Variants in SAP30L observed in about 807,000 individuals in gnomAD.
SAP30L encodes the protein SAP30 like.
SAP30L carries 10 observed loss-of-function variants against 22.3 expected under a neutral mutation model. That is an observed-to-expected ratio of 0.45 (90% CI 0.28 to 0.76). SAP30L has a LOEUF of 0.76. Ranked by LOEUF, SAP30L falls within the 30% of genes least tolerant of loss-of-function variation. The pLI, the probability that SAP30L is intolerant of heterozygous loss-of-function variation, is 0.14. For missense variants in SAP30L, 206 were observed against 237.9 expected, an observed-to-expected ratio of 0.87 and a Z score of 0.88; for synonymous variants, 91 against 94.1, an observed-to-expected ratio of 0.97 and a Z score of 0.19.
In SAP30L at chr5:154,459,541, T is replaced by C. The variant is rs1326775120; in HGVS notation, c.*3513T>C. On this transcript the variant is annotated 3_prime_UTR_variant, in exon 4 of 4. Transcript: ENST00000297109. Reference sequence around the variant, plus strand: ...AAACAATGCTAGGACATGGACACTTTGGTACACTGTCCTTACCCCTGAGTA... The same window carrying C: ...AAACAATGCTAGGACATGGACACTTCGGTACACTGTCCTTACCCCTGAGTA... 6.6e-6 allele frequency: 1 copy of C among 152,276 alleles called. No homozygotes were observed. Among genetic ancestry groups the C allele is most frequent in the Non-Finnish European group, 1.5e-5 (1 of 68,058 alleles). 9.4% of individuals were successfully genotyped at this position (152,276 alleles called of 1,614,324 possible).
intron 1 of SAP30L, among the ~76,000 whole-genome samples, chr5:154,450,749 A>AT (rs1357341094): frequency 4.6e-5 from 7 of 152,018 alleles, no homozygotes; most frequent in African/African-American, 1.7e-4. Flanking sequence ...ACTCCTACCC[A>AT]TCTGGAATGC....
At chr5:154,452,152 G>T (rs1757155766) in intron 2 of SAP30L, among the ~76,000 whole-genome samples, 2 of 152,186 alleles carry the variant, frequency 1.3e-5, no homozygotes, top group Non-Finnish European at 2.9e-5. Context: ...CCGCCTGTTA[G>T]CACTCAGAGT....
rs528954552 is a variant in SAP30L at position 154,451,025 on chromosome 5, C to T, written c.202-66C>T. ...TGCAATGGAAGGAAGCCCCGCAATT[C>T]GACAGATACCTATTGCTGTCTCCAA... On this transcript the variant is annotated intron_variant, in intron 1 of 3. Coordinates refer to ENST00000297109, the MANE Select transcript of SAP30L (RefSeq NM_024632.6). 123 of 1,570,758 alleles carry T rather than the reference C, an allele frequency of 7.8e-5. No individual in the cohort carries two copies. In the South Asian group the frequency reaches 1.2e-3, roughly 15 times the overall value.
rs1007570738 is a variant in SAP30L, at chr5:154,456,030, G to A, written c.*2G>A. ...GAGGGTGGCAAGCAGCTTGAGTGAG[G>A]ATGAAGCACATCTTAAAGGAATGAA... On this transcript the variant is annotated 3_prime_UTR_variant, in exon 4 of 4. Transcript: ENST00000297109. The A allele has an allele frequency of 6.2e-7, 1 of 1,613,272 alleles. No homozygotes were observed. Among genetic ancestry groups the A allele is most frequent in the African/African-American group, 1.3e-5 (1 of 75,000 alleles).
chr5:154,453,472 C>G lies in SAP30L; in HGVS notation c.395C>G (p.Pro132Arg), dbSNP rs1222847548. The G allele has an allele frequency of 6.2e-7, 1 of 1,613,976 alleles. No homozygotes were observed. Among genetic ancestry groups the G allele is most frequent in the Non-Finnish European group, 8.5e-7 (1 of 1,179,832 alleles). ...YKRHYKLQTR[P>R]GFNKAQLAET... The stretch of plus-strand genomic sequence containing the variant: ...CGACACTACAAGTTGCAGACCAGAC[C>G]AGGCTTCAATAAGGCCCAGTTAGCA... Residue 132 changes from proline (P) to arginine (R), a missense_variant, in exon 3 of 4, where the codon CCA becomes CGA. Physicochemically the swap from Pro to Arg is moderately radical, Grantham distance 103. This residue lies in a region of SAP30L where 136 missense variants were observed against 187.4 expected (regional missense o/e 0.73). Transcript: ENST00000297109.
At chr5:154,452,521 G>A (rs1757165854) in intron 2 of SAP30L, 2 of 980,316 alleles carry the variant, frequency 2.0e-6, no homozygotes, top group African/African-American at 1.8e-5. Context: ...CCAACTTTAT[G>A]GGCCTTCAAT....
At chr5:154,451,555 T>A (rs575840742) in intron 2 of SAP30L, among the ~76,000 whole-genome samples, 3 of 151,934 alleles carry the variant, frequency 2.0e-5, no homozygotes, top group African/African-American at 7.2e-5. Context: ...CACTTTTTTT[T>A]AAACCTTGTT....
intron 1 of SAP30L, among the ~76,000 whole-genome samples, chr5:154,447,969 C>CTTTTTTTTTTTTT (rs140213326): frequency 1.4e-4 from 12 of 88,376 alleles, no homozygotes; most frequent in East Asian, 3.3e-4. Context: ...TTTTCTTTTT[C>CTTTTTTTTTTTTT]TTTTTTTTTT....
chr5:154,446,362 C>T lies in SAP30L; in HGVS notation c.-243C>T. 1 of 387,632 alleles carries T rather than the reference C, an allele frequency of 2.6e-6. No homozygotes were observed. The highest frequency in any genetic ancestry group is 4.6e-6 in the Non-Finnish European group (1 of 219,250). 24.0% of individuals were successfully genotyped at this position (387,632 alleles called of 1,614,324 possible). ...CTCCTCCGGGTGACCCCCGGCGGGG[C>T]CCTGCGAGCCGCGGGAGCCGACCCC... is the stretch of plus-strand genomic sequence containing the variant. On this transcript the variant is annotated 5_prime_UTR_variant, in exon 1 of 4. Coordinates refer to ENST00000297109, the MANE Select transcript of SAP30L (RefSeq NM_024632.6).
intron 2 of SAP30L, 197 bp from the exon 3 acceptor site, chr5:154,453,205 C>T (rs1757188226): frequency 2.0e-6 from 1 of 503,854 alleles, no homozygotes; most frequent in Non-Finnish European, 3.5e-6. Flanking sequence ...TCAGCCCACC[C>T]CAGCCAGAAC....
Position 154,446,597 on chromosome 5 carries a change from GC to G in SAP30L, c.-7del, listed in dbSNP as rs1419905891. ...CCTCCCCCAGAGGGACCGGCCCGGG[GC>G]GGGGAGATGAACGGCTTCAGCACGG... On this transcript the variant is annotated 5_prime_UTR_variant, in exon 1 of 4. Coordinates refer to ENST00000297109, the MANE Select transcript of SAP30L (RefSeq NM_024632.6). The G allele has an allele frequency of 1.3e-5, 19 of 1,472,252 alleles. No homozygotes were observed. Among genetic ancestry groups the G allele is most frequent in the Admixed American group, 2.4e-5 (1 of 41,070 alleles). The allele number at this position is 1,472,252 out of a possible 1,614,324, so 91.2% of individuals were successfully genotyped here. A position where few individuals can be genotyped will look rare whatever the true frequency, so the allele number is the denominator to read the frequency against.
In SAP30L at chr5:154,446,733, C is replaced by A. The variant is rs747395891; in HGVS notation, c.129C>A (p.Gly43=). ...EDGERCVRPA[G]NASFSKRVQK... is the part of the protein sequence containing the mutation. ...GCGAGCGCTGCGTCCGGCCCGCGGGCAACGCCTCCTTCAGCAAGAGGGTCC... is the reference window on the plus strand; with the variant it reads ...GCGAGCGCTGCGTCCGGCCCGCGGGAAACGCCTCCTTCAGCAAGAGGGTCC... The change falls in exon 1 of 4, where the codon GGC becomes GGA. Residue 43 remains glycine, a synonymous_variant. Transcript: ENST00000297109. 43 of 1,606,808 alleles carry A rather than the reference C, an allele frequency of 2.7e-5. No homozygotes were observed. The highest frequency in any genetic ancestry group is 3.5e-5 in the Non-Finnish European group (41 of 1,178,600).
rs986708789 is a variant in SAP30L at position 154,458,975 on chromosome 5, C to A, written c.*2947C>A. ...TCATAGCTAAATAGTCACTGCTAGC[C>A]TTTCAGAGAACAGATAGTAACAATT... On this transcript the variant is annotated 3_prime_UTR_variant, in exon 4 of 4. Coordinates refer to ENST00000297109, the MANE Select transcript of SAP30L (RefSeq NM_024632.6). The A allele has an allele frequency of 6.2e-4, 95 of 152,248 alleles. 1 individual carries two copies. The highest frequency in any genetic ancestry group is 2.2e-3 in the African/African-American group (91 of 41,458). The allele number at this position is 152,248 out of a possible 1,614,324, so 9.4% of individuals were successfully genotyped here.
Position 154,456,171 on chromosome 5 carries a change from A to G in SAP30L, c.*143A>G. On this transcript the variant is annotated 3_prime_UTR_variant, in exon 4 of 4. Transcript: ENST00000297109. The stretch of plus-strand genomic sequence containing the variant: ...AATACTGTAAATCTTTTTGGTCAGG[A>G]GGATTATATTCTCATGATTCAGCAT... 1 of 798,232 alleles carries G rather than the reference A, an allele frequency of 1.3e-6. No individual in the cohort carries two copies. Among genetic ancestry groups the G allele is most frequent in the Admixed American group, 3.6e-5 (1 of 28,022 alleles). 49.4% of individuals were successfully genotyped at this position (798,232 alleles called of 1,614,324 possible).
Position 154,460,809 on chromosome 5 carries a change from T to G in SAP30L, c.*4781T>G, listed in dbSNP as rs1359292531. Reference sequence around the variant, plus strand: ...AAGGTTTTGGGGGTTTTTTTTCCCATTTTGTAACTGCCTTATTGAAAAGTA... The same window carrying G: ...AAGGTTTTGGGGGTTTTTTTTCCCAGTTTGTAACTGCCTTATTGAAAAGTA... On this transcript the variant is annotated 3_prime_UTR_variant, in exon 4 of 4. Coordinates refer to ENST00000297109, the MANE Select transcript of SAP30L (RefSeq NM_024632.6). 6.6e-6 allele frequency: 1 copy of G among 152,224 alleles called. No individual in the cohort carries two copies. Among genetic ancestry groups the G allele is most frequent in the Non-Finnish European group, 1.5e-5 (1 of 68,048 alleles). The allele number at this position is 152,224 out of a possible 1,614,324, so 9.4% of individuals were successfully genotyped here.
chr5:154,455,879 T>G (rs201257946), intron 3 of SAP30L, 21 bp from the exon 4 acceptor site: 3 of 1,598,988 alleles, frequency 1.9e-6, no homozygotes. Flanking sequence ...TAAGGAACTT[T>G]GGTATTTTCC....
intron 1 of SAP30L, among the ~76,000 whole-genome samples, chr5:154,449,221 T>G (rs1757088225): frequency 1.3e-5 from 2 of 152,326 alleles, no homozygotes; most frequent in African/African-American, 4.8e-5. Flanking sequence ...GTTAAAATAC[T>G]AATATACCTC....
chr5:154,446,646 C>T lies in SAP30L; in HGVS notation c.42C>T (p.Pro14=), dbSNP rs1205612639. 6.5e-7 allele frequency: 1 copy of T among 1,532,350 alleles called. No individual in the cohort carries two copies. The highest frequency in any genetic ancestry group is 1.4e-5 in the African/African-American group (1 of 71,586). The allele number at this position is 1,532,350 out of a possible 1,614,324, so 94.9% of individuals were successfully genotyped here. Residue 14 remains proline, a synonymous_variant, in exon 1 of 4, where the codon CCC becomes CCT. Transcript: ENST00000297109. ...CGGAGGAGGACAGCCGCGAAGGGCCCCCCGCCGCCCCAGCTGCCGCCGCCC... is the reference window on the plus strand; with the variant it reads ...CGGAGGAGGACAGCCGCGAAGGGCCTCCCGCCGCCCCAGCTGCCGCCGCCC... ...FSTEEDSREG[P]PAAPAAAAPG...
rs1180980234 is a variant in SAP30L at position 154,459,773 on chromosome 5, T to C, written c.*3745T>C. 1.3e-5 allele frequency: 2 copies of C among 152,234 alleles called. No individual in the cohort carries two copies. The highest frequency in any genetic ancestry group is 2.9e-5 in the Non-Finnish European group (2 of 68,046). The allele number at this position is 152,234 out of a possible 1,614,324, so 9.4% of individuals were successfully genotyped here. A position where few individuals can be genotyped will look rare whatever the true frequency, so the allele number is the denominator to read the frequency against. ...ATTGTTCAGCTGGAGGATTTATAAC[T>C]TCGTTGCTTTGCATGAAGTTTAAAG... On this transcript the variant is annotated 3_prime_UTR_variant, in exon 4 of 4. Transcript: ENST00000297109.
Sources: gnomAD v4.1 joint callset for allele counts (sites outside exome capture counted in the v4.1 genomes callset) on GRCh38, gnomAD v4.1.1 for gene constraint, gnomAD v4.1.1 regional missense constraint, MANE v1.5 for transcripts, NCBI Gene and HGNC (gene_info 2026-07-23, HGNC 2026-07-21) for gene names.